The following PCDH15 variants were observed in gnomAD, a reference collection of about 807,000 sequenced individuals.
PCDH15 encodes the protein protocadherin-15.
A neutral mutation model predicts 178.5 loss-of-function variants in PCDH15; 129 were observed. That is an observed-to-expected ratio of 0.72 (90% CI 0.63 to 0.84). The LOEUF (loss-of-function observed/expected upper bound fraction) is 0.84, where lower values mean the gene tolerates loss of function less well. Among genes scored for constraint, PCDH15 ranks in the 40% least tolerant of loss-of-function variants. PCDH15 has a pLI of 0.00. For missense variants in PCDH15, 2,230 were observed against 2,099.9 expected (o/e 1.06, Z -1.21); for synonymous variants, 800 against 732.0 (o/e 1.09, Z -1.50).
At chr10:53,839,193 T>A (rs1173698933) in intron 29 of PCDH15, among the ~76,000 whole-genome samples, 1 of 113,214 alleles carries the variant, frequency 8.8e-6, no homozygotes, top group East Asian at 2.7e-4. Context: ...ACAGAGTGAG[T>A]CTCCGTCTCA....
intron 8 of PCDH15, among the ~76,000 whole-genome samples, chr10:54,298,291 G>A (rs1440703513): frequency 6.6e-6 from 1 of 152,066 alleles, no homozygotes; most frequent in East Asian, 1.9e-4. Context: ...CTCCAAAAGT[G>A]AGCCCTAGGC....
intron 1 of PCDH15, among the ~76,000 whole-genome samples, chr10:55,234,500 C>T (rs553915471): frequency 6.6e-6 from 1 of 151,796 alleles, no homozygotes; most frequent in Admixed American, 6.6e-5. Flanking sequence ...ACTTCCCATG[C>T]TCAAGTGATG....
At chr10:54,076,314 T>C (rs2094341369) in intron 17 of PCDH15, among the ~76,000 whole-genome samples, 1 of 152,170 alleles carries the variant, frequency 6.6e-6, no homozygotes, top group Admixed American at 6.5e-5. Flanking sequence ...TCTGATACTT[T>C]GCAAAATTTC....
Position 54,129,181 on chromosome 10 carries a change from C to T in PCDH15, c.1917+3694G>A, listed in dbSNP as rs183272887. 9.9e-5 allele frequency among the ~76,000 whole-genome samples: 15 copies of T among 152,170 alleles called. No homozygotes were observed. In the East Asian group the frequency reaches 2.7e-3, roughly 27 times the overall value. The stretch of plus-strand genomic sequence containing the variant: ...TGACCAAGTGAAATGATGCGTTATA[C>T]ATATGTCAAAGAAATATAGCCTCTT... On this transcript the variant is annotated intron_variant, in intron 15 of 37. Coordinates refer to ENST00000644397, the MANE Select transcript of PCDH15 (RefSeq NM_001384140.1).
intron 2 of PCDH15, among the ~76,000 whole-genome samples, chr10:54,957,337 G>C (rs1838514600): frequency 6.6e-6 from 1 of 151,554 alleles, no homozygotes; most frequent in South Asian, 2.1e-4. Flanking sequence ...AAGTGTGGTA[G>C]TCATATAACA....
intron 3 of PCDH15, among the ~76,000 whole-genome samples, chr10:54,455,644 C>T (rs61853580): frequency 0.012 from 1,848 of 152,204 alleles, 18 homozygotes; most frequent in Middle Eastern, 0.051. Context: ...AAATTTGCAA[C>T]CTGATGATGT....
intron 21 of PCDH15, among the ~76,000 whole-genome samples, chr10:53,970,933 A>G (rs939443647): frequency 2.6e-5 from 4 of 152,316 alleles, no homozygotes; most frequent in African/African-American, 7.2e-5. Flanking sequence ...TCCCTAACTC[A>G]TTTTATGAAG....
chr10:55,408,099 C>A (rs904414162), intron 2 of PCDH15, among the ~76,000 whole-genome samples: 8 of 152,098 alleles, frequency 5.3e-5, no homozygotes, highest in African/African-American at 1.4e-4. Flanking sequence ...TAAGTTCTAC[C>A]AAATGTTCAA....
intron 3 of PCDH15, among the ~76,000 whole-genome samples, chr10:54,806,975 C>T (rs1285334580): frequency 6.6e-6 from 1 of 152,142 alleles, no homozygotes; most frequent in Non-Finnish European, 1.5e-5. Flanking sequence ...GCAACGTAAT[C>T]GCAGGACTGA....
At chr10:55,251,777 T>C (rs1841844544) in intron 1 of PCDH15, among the ~76,000 whole-genome samples, 1 of 152,206 alleles carries the variant, frequency 6.6e-6, no homozygotes, top group South Asian at 2.1e-4. Context: ...CACTAGGTTA[T>C]GATGCAGTAA....
chr10:54,510,922 A>G (rs996465371), intron 3 of PCDH15, among the ~76,000 whole-genome samples: 1 of 152,144 alleles, frequency 6.6e-6, no homozygotes, highest in Non-Finnish European at 1.5e-5. Flanking sequence ...GGAGAAGTGT[A>G]TCAGAAGTGG....
intron 3 of PCDH15, among the ~76,000 whole-genome samples, chr10:54,489,018 T>C (rs72792527): frequency 0.037 from 5,627 of 152,156 alleles, 154 homozygotes; most frequent in Non-Finnish European, 0.058. Context: ...TTTAACAATA[T>C]ATAATAATTA....
At chr10:54,742,190 T>G (rs1944899523) in intron 1 of PCDH15, among the ~76,000 whole-genome samples, 1 of 152,078 alleles carries the variant, frequency 6.6e-6, no homozygotes, top group African/African-American at 2.4e-5. Context: ...ATGTCAGCGC[T>G]TTGTCCTTAT....
intron 1 of PCDH15, among the ~76,000 whole-genome samples, chr10:55,260,165 T>G (rs1483079707): frequency 6.6e-6 from 1 of 151,694 alleles, no homozygotes; most frequent in Non-Finnish European, 1.5e-5. Context: ...CAGTAAGAAT[T>G]GTTTAATTGT....
At chr10:55,072,360 T>C (rs1420119340) in intron 2 of PCDH15, among the ~76,000 whole-genome samples, 1 of 151,276 alleles carries the variant, frequency 6.6e-6, no homozygotes. Flanking sequence ...GCAAGACTAA[T>C]AAAGAAAAAA....
intron 2 of PCDH15, among the ~76,000 whole-genome samples, chr10:55,623,104 T>C (rs1837440916): frequency 6.6e-6 from 1 of 152,008 alleles, no homozygotes; most frequent in South Asian, 2.1e-4. Context: ...GGATTCCACC[T>C]CCTGCTCTAT....
intron 2 of PCDH15, among the ~76,000 whole-genome samples, chr10:55,023,822 T>C (rs1840399883): frequency 6.6e-6 from 1 of 151,016 alleles, no homozygotes; most frequent in Non-Finnish European, 1.5e-5. Flanking sequence ...CATATATATA[T>C]ACACACACAC....
chr10:54,288,153 C>G (rs1250345342), intron 8 of PCDH15, among the ~76,000 whole-genome samples: 1 of 151,990 alleles, frequency 6.6e-6, no homozygotes, highest in East Asian at 1.9e-4. Context: ...GAAACCCCAT[C>G]TCTACCAAAA....
intron 2 of PCDH15, among the ~76,000 whole-genome samples, chr10:55,500,481 G>A (rs1043068041): frequency 5.9e-5 from 9 of 151,826 alleles, no homozygotes; most frequent in Non-Finnish European, 1.2e-4. Context: ...AAAATTCTCT[G>A]GAGCAACATT....
Sources: allele counts gnomAD v4.1 joint callset (sites outside exome capture counted in the v4.1 genomes callset), GRCh38; gene constraint gnomAD v4.1.1; transcripts MANE v1.5; gene names NCBI Gene and HGNC (gene_info 2026-07-23, HGNC 2026-07-21).